Variants in ME2 observed in about 807,000 individuals in gnomAD.
ME2 encodes NAD-dependent malic enzyme, mitochondrial.
A neutral mutation model predicts 73.7 loss-of-function variants in ME2; 60 were observed. The ratio of observed to expected loss-of-function variants is 0.81; its 90% CI spans 0.66 to 1.01. The LOEUF (loss-of-function observed/expected upper bound fraction) is 1.01. ME2 is among the 50% of genes least tolerant of loss of function. ME2 has a pLI of 0.00. For missense variants in ME2, 594 were observed against 705.5 expected (o/e 0.84, Z 1.79); for synonymous variants, 199 against 236.9 (o/e 0.84, Z 1.47).
In ME2 at chr18:50,951,354, G is replaced by A. The variant is rs1918219990; in HGVS notation, c.*4170G>A. 6.6e-6 allele frequency: 1 copy of A among 152,188 alleles called. No homozygotes were observed. The highest frequency in any genetic ancestry group is 1.5e-5 in the Non-Finnish European group (1 of 68,034). The allele number at this position is 152,188 out of a possible 1,614,324, so 9.4% of individuals were successfully genotyped here. A position where few individuals can be genotyped will look rare whatever the true frequency, so the allele number is the denominator to read the frequency against. On this transcript the variant is annotated 3_prime_UTR_variant, in exon 16 of 16. Transcript: ENST00000321341. ...GATAACAGAAAACCCAAAAGGGATGGTGGCGGAGTGAAGAAAGCCTTGCCT... is the reference window on the plus strand; with the variant it reads ...GATAACAGAAAACCCAAAAGGGATGATGGCGGAGTGAAGAAAGCCTTGCCT...
chr18:50,912,830 G>T lies in ME2; in HGVS notation c.272G>T (p.Arg91Ile). ...KYIYIMGIQE[R>I]NEKLFYRILQ... The stretch of plus-strand genomic sequence containing the variant: ...ATCTACATAATGGGAATACAAGAAA[G>T]AAATGAGAAATTGTTTTATAGAATA... The change falls in exon 4 of 16, where the codon AGA (arginine) becomes ATA (isoleucine). Residue 91 changes from arginine (R) to isoleucine (I), a missense_variant. Transcript: ENST00000321341. The T allele has an allele frequency of 6.2e-7, 1 of 1,600,476 alleles. No homozygotes were observed. Among genetic ancestry groups the T allele is most frequent in the Non-Finnish European group, 8.5e-7 (1 of 1,171,764 alleles).
intron 12 of ME2, 36 bp downstream of exon 12, chr18:50,925,934 T>A (rs764399481): frequency 6.8e-7 from 1 of 1,478,650 alleles, no homozygotes; most frequent in Admixed American, 1.7e-5. Flanking sequence ...TGTATATTAT[T>A]TTCCCTCCAC....
chr18:50,924,110 A>C lies in ME2; in HGVS notation c.1069A>C (p.Lys357Gln), dbSNP rs375495091. Residue 357 changes from lysine (K) to glutamine (Q), a missense_variant, in exon 11 of 16, where the codon AAA becomes CAA. Transcript: ENST00000321341. The stretch of plus-strand genomic sequence containing the variant: ...TCTCAAAATTTAGGGACGGAAAGCA[A>C]AAATAGATAGTTATCAGGAACCATT... ...YGLLVKGRKA[K>Q]IDSYQEPFTH... 1 of 1,610,356 alleles carries C rather than the reference A, an allele frequency of 6.2e-7. No homozygotes were observed. Among genetic ancestry groups the C allele is most frequent in the Non-Finnish European group, 8.5e-7 (1 of 1,178,648 alleles).
intron 1 of ME2, among the ~76,000 whole-genome samples, chr18:50,892,224 A>G (rs531356261): frequency 6.6e-6 from 1 of 152,226 alleles, no homozygotes; most frequent in East Asian, 1.9e-4. Context: ...CCTTCTACCT[A>G]TTCTTTTTCA....
intron 15 of ME2, chr18:50,942,860 C>A: frequency 4.3e-6 from 1 of 234,388 alleles, no homozygotes. Context: ...TAATTGTCTG[C>A]AAGTAATTTT....
intron 4 of ME2, chr18:50,913,207 G>C (rs1917199827): frequency 4.0e-6 from 1 of 252,672 alleles, no homozygotes; most frequent in East Asian, 7.1e-5. Context: ...CATACTTCTG[G>C]AACCTGCTCC....
intron 13 of ME2, 79 bp from the exon 14 acceptor site, chr18:50,939,491 T>C (rs747608158): frequency 3.2e-5 from 30 of 947,934 alleles, no homozygotes; most frequent in Non-Finnish European, 3.2e-5. Flanking sequence ...GATTACCATT[T>C]ATTTGCCTGA....
chr18:50,925,984 G>A, intron 12 of ME2, 86 bp downstream of exon 12: 1 of 967,322 alleles, frequency 1.0e-6, no homozygotes, highest in Non-Finnish European at 1.6e-6. Flanking sequence ...TTGTTCTAAT[G>A]GTTTCCCTAG....
At chr18:50,900,968 G>A (rs549083850) in intron 2 of ME2, among the ~76,000 whole-genome samples, 14 of 152,198 alleles carry the variant, frequency 9.2e-5, no homozygotes, top group African/African-American at 3.4e-4. Flanking sequence ...ATGAGAATGG[G>A]CTAATACAAT....
chr18:50,931,210 T>C (rs1917682262), intron 12 of ME2, among the ~76,000 whole-genome samples: 1 of 152,228 alleles, frequency 6.6e-6, no homozygotes, highest in Non-Finnish European at 1.5e-5. Flanking sequence ...ATTGGATAGA[T>C]GTGACAAATT....
At chr18:50,918,769 G>A (rs1275452147) in intron 7 of ME2, among the ~76,000 whole-genome samples, 2 of 147,484 alleles carry the variant, frequency 1.4e-5, no homozygotes, top group Admixed American at 1.4e-4. Flanking sequence ...TAACTACCTA[G>A]TCCTCTTCTC....
rs1599134312 is a variant in ME2, at chr18:50,950,462, T to G, written c.*3278T>G. The G allele has an allele frequency of 2.2e-5, 3 of 137,328 alleles. No homozygotes were observed. 8.5% of individuals were successfully genotyped at this position (137,328 alleles called of 1,614,324 possible). ...ATAGGGCCTGGGGTGGGGCCTCAGA[T>G]TCTGCTTTTTTTTTTTTTTTTTTTT... On this transcript the variant is annotated 3_prime_UTR_variant, in exon 16 of 16. Coordinates refer to ENST00000321341, the MANE Select transcript of ME2 (RefSeq NM_002396.5).
chr18:50,900,981 G>A (rs1916875925), intron 2 of ME2, among the ~76,000 whole-genome samples: 1 of 152,162 alleles, frequency 6.6e-6, no homozygotes, highest in African/African-American at 2.4e-5. Context: ...AATACAATGA[G>A]TATATTTTAT....
At chr18:50,900,253 GA>G (rs1916854426) in intron 2 of ME2, among the ~76,000 whole-genome samples, 1 of 148,682 alleles carries the variant, frequency 6.7e-6, no homozygotes, top group African/African-American at 2.5e-5. Flanking sequence ...GAGGAAGAAG[GA>G]AAAAAGTAAG....
In ME2 at chr18:50,923,021, G is replaced by T. The variant is rs115828752; in HGVS notation, c.1057-1077G>T. 3.4e-3 allele frequency among the ~76,000 whole-genome samples: 524 copies of T among 152,294 alleles called. 4 individuals carry two copies. Among genetic ancestry groups the T allele is most frequent in the African/African-American group, 9.6e-3 (401 of 41,560 alleles). ...GTTTTTGTCTGCCTTAAATCTTTGA[G>T]AAATTCTTCATTGTTCTAGTCTGTC... On this transcript the variant is annotated intron_variant, in intron 10 of 15. Coordinates refer to ENST00000321341, the MANE Select transcript of ME2 (RefSeq NM_002396.5).
intron 2 of ME2, among the ~76,000 whole-genome samples, chr18:50,900,573 C>T (rs1342670682): frequency 1.3e-5 from 2 of 152,158 alleles, no homozygotes; most frequent in South Asian, 2.1e-4. Context: ...TGAGCCACTA[C>T]GCCCAGCCAA....
intron 1 of ME2, among the ~76,000 whole-genome samples, chr18:50,887,696 A>C (rs1916504291): frequency 3.3e-5 from 5 of 152,186 alleles, no homozygotes; most frequent in Admixed American, 3.3e-4. Context: ...TTAGCTTGTA[A>C]ACTCTCAGGA....
At chr18:50,902,164 A>G (rs922604406) in intron 2 of ME2, among the ~76,000 whole-genome samples, 31 of 152,226 alleles carry the variant, frequency 2.0e-4, no homozygotes, top group Non-Finnish European at 3.4e-4. Context: ...GTTAAAGAAG[A>G]GAATCAATAA....
At chr18:50,912,356 T>C (rs566627937) in intron 3 of ME2, among the ~76,000 whole-genome samples, 2 of 152,324 alleles carry the variant, frequency 1.3e-5, no homozygotes, top group Admixed American at 1.3e-4. Context: ...TCCTTGAAAA[T>C]AGAGGTAACT....
Sources: allele counts gnomAD v4.1 joint callset (sites outside exome capture counted in the v4.1 genomes callset), GRCh38; gene constraint gnomAD v4.1.1; transcripts MANE v1.5; gene names NCBI Gene and HGNC (gene_info 2026-07-23, HGNC 2026-07-21).